CTDP1: variants seen among roughly 807,000 people sequenced by gnomAD.
The protein encoded by CTDP1 is RNA polymerase II subunit A C-terminal domain phosphatase.
CTDP1 carries 47 observed loss-of-function variants against 91.8 expected under a neutral mutation model. The observed-to-expected ratio is 0.51, with a 90% CI of 0.41 to 0.65. The LOEUF (loss-of-function observed/expected upper bound fraction) is 0.65. CTDP1 is among the 30% of genes least tolerant of loss of function. The pLI, the probability that CTDP1 is intolerant of heterozygous loss-of-function variation, is 0.00. For missense variants in CTDP1, 1,272 were observed against 1,373.7 expected, an observed-to-expected ratio of 0.93 and a Z score of 1.17; for synonymous variants, 656 against 598.5, an observed-to-expected ratio of 1.10 and a Z score of -1.40.
Position 79,739,850 on chromosome 18 carries a change from T to TCGGCGCTTGCTCCCTGCCTGCA in CTDP1, c.2747+3330_2747+3331insGGCGCTTGCTCCCTGCCTGCAC, listed in dbSNP as rs1288194047. ...TACCCACGGCCGGGACGGGTGGGACTCTCATACCCACGGCCGGGACGGGTG... is the reference window on the plus strand; with the variant it reads ...TACCCACGGCCGGGACGGGTGGGACTCGGCGCTTGCTCCCTGCCTGCACTCATACCCACGGCCGGGACGGGTG... On this transcript the variant is annotated intron_variant, in intron 12 of 12. Coordinates refer to ENST00000613122, the MANE Select transcript of CTDP1 (RefSeq NM_004715.5). Among the ~76,000 whole-genome samples, 117 of 83,688 alleles carry TCGGCGCTTGCTCCCTGCCTGCA rather than the reference T, an allele frequency of 1.4e-3. 8 individuals are homozygous for TCGGCGCTTGCTCCCTGCCTGCA. Among genetic ancestry groups the TCGGCGCTTGCTCCCTGCCTGCA allele is most frequent in the Non-Finnish European group, 1.8e-3 (71 of 39,920 alleles). 54.9% of individuals were successfully genotyped at this position (83,688 alleles called of 152,430 possible). A position where few individuals can be genotyped will look rare whatever the true frequency, so the allele number is the denominator to read the frequency against.
At chr18:79,705,295 C>A (rs573474035) in intron 5 of CTDP1, among the ~76,000 whole-genome samples, 1 of 152,272 alleles carries the variant, frequency 6.6e-6, no homozygotes, top group East Asian at 1.9e-4. Context: ...GCATGATTGT[C>A]CCCTGCCTAC....
chr18:79,739,263 C>T (rs1273139677), intron 12 of CTDP1, among the ~76,000 whole-genome samples: 3 of 152,316 alleles, frequency 2.0e-5, no homozygotes, highest in South Asian at 2.1e-4. Context: ...GTGTTGCTGG[C>T]GGCCAGCCAC....
At chr18:79,701,520 ATAAATAAAT>A (rs1312919093) in intron 4 of CTDP1, among the ~76,000 whole-genome samples, 7 of 116,064 alleles carry the variant, frequency 6.0e-5, no homozygotes, top group Non-Finnish European at 1.2e-4. Flanking sequence ...AAAAAAAATA[ATAAATAAAT>A]TAAATAAATA....
intron 1 of CTDP1, among the ~76,000 whole-genome samples, chr18:79,690,889 C>T (rs1336318251): frequency 1.3e-5 from 2 of 152,218 alleles, no homozygotes; most frequent in African/African-American, 2.4e-5. Context: ...GTGACTCCGA[C>T]GTGGCCAGTA....
Position 79,695,989 on chromosome 18 carries a change from G to A in CTDP1, c.411G>A (p.Lys137=), listed in dbSNP as rs2085738225. 2 of 1,612,542 alleles carry A rather than the reference G, an allele frequency of 1.2e-6. No individual in the cohort carries two copies. Among genetic ancestry groups the A allele is most frequent in the African/African-American group, 2.7e-5 (2 of 75,056 alleles). ...CGQDLTQLQS[K]NGKQQVPLST... ...CTTGCACTTGCAGGTTGCAGAGTAA[G>A]AACGGGAAGCAGCAGGTGCCGCTGT... The change falls in exon 3 of 13, where the codon AAG becomes AAA. Residue 137 remains lysine (K), a synonymous_variant. Transcript: ENST00000613122.
chr18:79,712,361 A>C (rs1270505219), intron 6 of CTDP1, among the ~76,000 whole-genome samples: 1 of 152,184 alleles, frequency 6.6e-6, no homozygotes, highest in Non-Finnish European at 1.5e-5. Flanking sequence ...AGCTCACCAC[A>C]GTCTTGACTT....
At position 79,717,626 on chromosome 18, in the gene CTDP1, G is replaced by A. The variant is rs2086242716; in HGVS notation, c.2160G>A (p.Lys720=). 6.2e-7 allele frequency: 1 copy of A among 1,614,016 alleles called. No homozygotes were observed. The highest frequency in any genetic ancestry group is 8.5e-7 in the Non-Finnish European group (1 of 1,179,976). The change falls in exon 9 of 13, where the codon AAG becomes AAA. Residue 720 remains lysine (K), a synonymous_variant. Coordinates refer to ENST00000613122, the MANE Select transcript of CTDP1 (RefSeq NM_004715.5). ...GGAGCTGCCTGGAGCGCTGGGACAA[G>A]GTGGAGGAGCAGCTCTTCCCGCTCA... ...WLWSCLERWD[K]VEEQLFPLRD...
intron 4 of CTDP1, among the ~76,000 whole-genome samples, chr18:79,700,208 G>A (rs2085830877): frequency 6.6e-6 from 1 of 152,178 alleles, no homozygotes; most frequent in Non-Finnish European, 1.5e-5. Context: ...GTTCAAGTGG[G>A]AGGAAGGCTC....
intron 1 of CTDP1, chr18:79,683,188 G>T (rs899346788): frequency 1.3e-5 from 2 of 152,152 alleles, no homozygotes; most frequent in Admixed American, 1.3e-4. Context: ...AGAATTGCAC[G>T]TGGGCTGTTT....
intron 1 of CTDP1, 133 bp downstream of exon 1, chr18:79,680,394 C>T (rs113723374): frequency 1.9e-5 from 13 of 675,440 alleles, no homozygotes; most frequent in African/African-American, 1.3e-4. Flanking sequence ...GACGCAGGCA[C>T]TGCGCTTCTC....
intron 12 of CTDP1, among the ~76,000 whole-genome samples, chr18:79,741,263 T>TC (rs929041725): frequency 1.3e-5 from 2 of 151,624 alleles, no homozygotes; most frequent in Non-Finnish European, 2.9e-5. Flanking sequence ...TTGGGTGAGG[T>TC]CCCCCGTGCG....
chr18:79,722,814 G>A (rs945480072), intron 10 of CTDP1, among the ~76,000 whole-genome samples: 6 of 152,334 alleles, frequency 3.9e-5, no homozygotes, highest in African/African-American at 9.6e-5. Flanking sequence ...CTGAGGAAAC[G>A]GGACCAGCCG....
At chr18:79,731,289 A>G (rs1025595981) in intron 11 of CTDP1, among the ~76,000 whole-genome samples, 1 of 152,154 alleles carries the variant, frequency 6.6e-6, no homozygotes, top group African/African-American at 2.4e-5. Flanking sequence ...CCGGCGCGTC[A>G]GTGTGTTAGG....
downstream of CTDP1, chr18:79,754,598 C>T (rs1410440150): frequency 1.3e-5 from 2 of 152,140 alleles, no homozygotes; most frequent in African/African-American, 2.4e-5. Flanking sequence ...CGAAAAAATT[C>T]CCACGGACAG....
chr18:79,739,436 C>T (rs1432705693), intron 12 of CTDP1, among the ~76,000 whole-genome samples: 8 of 151,790 alleles, frequency 5.3e-5, no homozygotes, highest in Non-Finnish European at 7.4e-5. Flanking sequence ...GACCTGCGCA[C>T]GGCAGAACTG....
At chr18:79,751,840 C>T (rs941810499) in intron 12 of CTDP1, among the ~76,000 whole-genome samples, 2 of 152,188 alleles carry the variant, frequency 1.3e-5, no homozygotes, top group African/African-American at 4.8e-5. Flanking sequence ...TACATTGTAT[C>T]TACGTTAGCT....
chr18:79,734,328 A>C (rs3786241), intron 11 of CTDP1, among the ~76,000 whole-genome samples: 78,563 of 152,162 alleles, frequency 0.52, 20,951 homozygotes, highest in Middle Eastern at 0.65. Context: ...CTTTTTTGTA[A>C]AAACAAGCCC....
intron 1 of CTDP1, chr18:79,681,457 C>G (rs2085366426): frequency 3.0e-6 from 3 of 985,234 alleles, no homozygotes; most frequent in East Asian, 1.1e-4. Flanking sequence ...ATGGAAGATC[C>G]CTACTGAGGT....
Position 79,736,230 on chromosome 18 carries a change from G to A in CTDP1, c.2581-125G>A, listed in dbSNP as rs1288855778. 6.4e-6 allele frequency: 8 copies of A among 1,251,322 alleles called. No homozygotes were observed. The Admixed American group carries it at 1.4e-4, about 22-fold the overall frequency. 77.5% of individuals were successfully genotyped at this position (1,251,322 alleles called of 1,614,324 possible). ...TCAAGCCCCAGGGCTCAGGTAGAAAGCAGAGTGCTACCTCCAGCCCCCACC... is the reference window on the plus strand; with the variant it reads ...TCAAGCCCCAGGGCTCAGGTAGAAAACAGAGTGCTACCTCCAGCCCCCACC... On this transcript the variant is annotated intron_variant, in intron 11 of 12. Transcript: ENST00000613122.
Sources: gnomAD v4.1 joint callset for allele counts (sites outside exome capture counted in the v4.1 genomes callset) on GRCh38, gnomAD v4.1.1 for gene constraint, MANE v1.5 for transcripts, NCBI Gene and HGNC (gene_info 2026-07-23, HGNC 2026-07-21) for gene names.